Variants in PRR12 observed in about 807,000 individuals in gnomAD.
PRR12 encodes the protein proline rich 12.
A neutral mutation model predicts 138.0 loss-of-function variants in PRR12; 12 were observed. The ratio of observed to expected loss-of-function variants is 0.09; its 90% CI spans 0.06 to 0.14. PRR12 has a LOEUF of 0.14. Among genes scored for constraint, PRR12 ranks in the 10% least tolerant of loss-of-function variants. The pLI is 1.00. For synonymous variants in PRR12, 1,567 were observed against 1,291.7 expected, an observed-to-expected ratio of 1.21 and a Z score of -4.57; for missense variants, 2,692 against 2,861.3, an observed-to-expected ratio of 0.94 and a Z score of 1.35.
At position 49,621,610 on chromosome 19, in the gene PRR12, C is replaced by T. The variant is rs2080923948; in HGVS notation, c.5709C>T (p.Ser1903=). The part of the protein sequence containing the change: ...KKKVLKRLSL[S]PALQDALHTF... ...AAGTCCTGAAGCGGCTGTCGCTAAG[C>T]CCAGCCCTGCAGGTGCCTGGGGGTC... The change falls in exon 11 of 14, where the codon AGC becomes AGT. Residue 1903 remains serine, a synonymous_variant. Coordinates refer to ENST00000418929, the MANE Select transcript of PRR12 (RefSeq NM_020719.3). 2 of 1,592,034 alleles carry T rather than the reference C, an allele frequency of 1.3e-6. No homozygotes were observed. The highest frequency in any genetic ancestry group is 1.3e-5 in the African/African-American group (1 of 74,190).
At chr19:49,601,965 C>T (rs2080814525) in intron 6 of PRR12, 47 bp downstream of exon 6, 3 of 1,584,132 alleles carry the variant, frequency 1.9e-6, no homozygotes, top group Non-Finnish European at 2.6e-6. Context: ...GGTTTGGTCA[C>T]CTGTTTGTTG....
In PRR12 at chr19:49,599,556, C is replaced by T. The variant is rs367748904; in HGVS notation, c.3963C>T (p.Gly1321=). 434 of 1,595,200 alleles carry T rather than the reference C, an allele frequency of 2.7e-4. No homozygotes were observed. Among genetic ancestry groups the T allele is most frequent in the Non-Finnish European group, 3.5e-4 (405 of 1,171,258 alleles). ...TGCCACCCTCTGTGCCAGCCCGAGG[C>T]CTGCAGCCCCAGCCCCCTGCCACCC... The part of the protein sequence containing the change: ...KSVPPSVPAR[G]LQPQPPATPA... The change falls in exon 5 of 14, where the codon GGC becomes GGT. Residue 1321 remains glycine (G), a synonymous_variant. Coordinates refer to ENST00000418929, the MANE Select transcript of PRR12 (RefSeq NM_020719.3). This position sits in a 1 kb window ranked among gnomAD's most constrained non-coding sequence, Gnocchi z 5.0.
chr19:49,611,883 A>G (rs1238432997), intron 6 of PRR12, among the ~76,000 whole-genome samples: 1 of 129,768 alleles, frequency 7.7e-6, no homozygotes, highest in African/African-American at 3.1e-5. Context: ...AGGTCGCGCC[A>G]CTGCACTCCA....
chr19:49,622,932 G>T (rs74174293), intron 11 of PRR12, among the ~76,000 whole-genome samples: 19,257 of 74,092 alleles, frequency 0.26, 2,263 homozygotes, highest in Middle Eastern at 0.31. Context: ...TATATATAGA[G>T]AGAGAGAGAG....
chr19:49,616,372 TACAC>T lies in PRR12; in HGVS notation c.5497+154_5497+157del, dbSNP rs71925806. The stretch of plus-strand genomic sequence containing the variant: ...AGCTCACAGTCACGGGGCATCTCAC[TACAC>T]GACAGGCTGCCTCCTGAGAAGCTGA... On this transcript the variant is annotated intron_variant, in intron 9 of 13. Coordinates refer to ENST00000418929, the MANE Select transcript of PRR12 (RefSeq NM_020719.3). This position sits in a 1 kb window ranked among gnomAD's most constrained non-coding sequence, Gnocchi z 4.2. Among the ~76,000 whole-genome samples, 56,796 of 151,734 alleles carry T rather than the reference TACAC, an allele frequency of 0.37. 11,690 individuals are homozygous for T. Among genetic ancestry groups the T allele is most frequent in the African/African-American group, 0.57 (23,392 of 41,338 alleles).
intron 6 of PRR12, among the ~76,000 whole-genome samples, chr19:49,612,618 G>A (rs2080872572): frequency 6.6e-6 from 1 of 152,114 alleles, no homozygotes; most frequent in South Asian, 2.1e-4. Flanking sequence ...GGCAGAGGTA[G>A]GGGTGGTCTC....
intron 1 of PRR12, 58 bp from the exon 2 acceptor site, chr19:49,593,269 G>T: frequency 1.2e-6 from 1 of 854,114 alleles, no homozygotes; most frequent in Non-Finnish European, 1.8e-6. Context: ...GGTTTTCTGA[G>T]CTTCCTTCTC....
In PRR12 at chr19:49,597,443, G is replaced by A. The variant is rs1302220866; in HGVS notation, c.3108G>A (p.Gln1036=). 1 of 1,538,670 alleles carries A rather than the reference G, an allele frequency of 6.5e-7. No homozygotes were observed. The highest frequency in any genetic ancestry group is 8.7e-7 in the Non-Finnish European group (1 of 1,145,548). Residue 1036 remains glutamine, a synonymous_variant, in exon 4 of 14, where the codon CAG becomes CAA. Transcript: ENST00000418929. This position sits in a 1 kb window ranked among gnomAD's most constrained non-coding sequence, Gnocchi z 6.3. ...GCCTGATCCAGAGTGGCCCCCACCA[G>A]GCGGCGCCACCACCCCCGCCTCCGC... The part of the protein sequence containing the change: ...PLGLIQSGPH[Q]AAPPPPPPPP...
At chr19:49,611,547 A>G (rs1350216225) in intron 6 of PRR12, among the ~76,000 whole-genome samples, 1 of 151,454 alleles carries the variant, frequency 6.6e-6, no homozygotes, top group African/African-American at 2.4e-5. Flanking sequence ...CTGAGGCAGG[A>G]CAATCACTTG....
At chr19:49,605,343 A>G (rs1295378101) in intron 6 of PRR12, among the ~76,000 whole-genome samples, 1 of 150,540 alleles carries the variant, frequency 6.6e-6, no homozygotes, top group Non-Finnish European at 1.5e-5. Context: ...GCTCACCGCA[A>G]CCTCCACCTC....
intron 6 of PRR12, among the ~76,000 whole-genome samples, chr19:49,604,333 T>A: frequency 6.8e-6 from 1 of 146,338 alleles, no homozygotes. Flanking sequence ...AGACCTCACA[T>A]CTACCAAAAA....
chr19:49,598,772 T>C (rs934839072), intron 4 of PRR12, among the ~76,000 whole-genome samples: 2 of 152,190 alleles, frequency 1.3e-5, no homozygotes, highest in African/African-American at 2.4e-5. Context: ...CAGGGAGCTA[T>C]GATTGCATCA....
intron 9 of PRR12, among the ~76,000 whole-genome samples, chr19:49,618,796 C>T (rs1386101141): frequency 6.6e-6 from 1 of 152,042 alleles, no homozygotes; most frequent in Non-Finnish European, 1.5e-5. Flanking sequence ...CAGCCTCGTC[C>T]TCTGCTTCCA....
rs761195066 is a variant in PRR12 at position 49,596,296 on chromosome 19, G to C, written c.1961G>C (p.Arg654Pro). ...CTCTTGCAGGCGCCCAGCCCTCCTC[G>C]GACCTCAGGGGCGGACGGCTTGGTG... ...QHLLQAPSPP[R>P]TSGADGLVGE... Residue 654 changes from arginine (R) to proline (P), a missense_variant, in exon 4 of 14, where the codon CGG becomes CCG. By Grantham distance (103) the Arg-to-Pro change is moderately radical. Transcript: ENST00000418929. This position sits in a 1 kb window ranked among gnomAD's most constrained non-coding sequence, Gnocchi z 5.6. 15 of 1,611,248 alleles carry C rather than the reference G, an allele frequency of 9.3e-6. No individual in the cohort carries two copies. Among genetic ancestry groups the C allele is most frequent in the Non-Finnish European group, 1.2e-5 (14 of 1,179,546 alleles).
chr19:49,616,151 C>T lies in PRR12; in HGVS notation c.5429C>T (p.Thr1810Ile). The change falls in exon 9 of 14, where the codon ACA (threonine) becomes ATA (isoleucine). Residue 1810 changes from threonine (T) to isoleucine (I), a missense_variant. Coordinates refer to ENST00000418929, the MANE Select transcript of PRR12 (RefSeq NM_020719.3). This position sits in a 1 kb window ranked among gnomAD's most constrained non-coding sequence, Gnocchi z 4.2. ...CTGAAGGAGGCAGGCGGCAACGCTA[C>T]AGCAGGCGGGGGCCCACCAGGCAGC... The part of the protein sequence containing the change: ...KWLKEAGGNA[T>I]AGGGPPGSSS... 4 of 1,563,754 alleles carry T rather than the reference C, an allele frequency of 2.6e-6. No homozygotes were observed. The highest frequency in any genetic ancestry group is 2.6e-6 in the Non-Finnish European group (3 of 1,154,618).
chr19:49,602,697 G>A (rs1439888878), intron 6 of PRR12, among the ~76,000 whole-genome samples: 4 of 152,230 alleles, frequency 2.6e-5, no homozygotes, highest in South Asian at 4.1e-4. Flanking sequence ...GACTACAGGC[G>A]CAGGCCACCA....
chr19:49,601,555 G>GCCTCCGCCACCC lies in PRR12; in HGVS notation c.4419_4430dup (p.Pro1475_Pro1478dup), dbSNP rs920240724. ...CTCCTGCCCCGACTCCTCAGCCTCA[G>GCCTCCGCCACCC]CCTCCGCCACCCCCTCCGCCGCCAC... On this transcript the variant is annotated inframe_insertion, in exon 6 of 14. Coordinates refer to ENST00000418929, the MANE Select transcript of PRR12 (RefSeq NM_020719.3). 6.5e-7 allele frequency: 1 copy of GCCTCCGCCACCC among 1,537,872 alleles called. No homozygotes were observed. The highest frequency in any genetic ancestry group is 8.8e-7 in the Non-Finnish European group (1 of 1,138,952).
Position 49,598,030 on chromosome 19 carries a change from T to A in PRR12, c.3678+17T>A. On this transcript the variant is annotated intron_variant, in intron 4 of 13. Coordinates refer to ENST00000418929, the MANE Select transcript of PRR12 (RefSeq NM_020719.3). ...CCACTTAAGGTGAGGGGAAATGGGG[T>A]CTTGTAGGGGATAGGGGAGGAGGAG... 1 of 1,341,220 alleles carries A rather than the reference T, an allele frequency of 7.5e-7. No individual in the cohort carries two copies. The highest frequency in any genetic ancestry group is 3.8e-5 in the Admixed American group (1 of 26,390). The allele number at this position is 1,341,220 out of a possible 1,614,324, so 83.1% of individuals were successfully genotyped here.
At chr19:49,622,527 G>A (rs140789294) in intron 11 of PRR12, among the ~76,000 whole-genome samples, 2 of 151,180 alleles carry the variant, frequency 1.3e-5, no homozygotes, top group East Asian at 3.9e-4. Flanking sequence ...AGGAGGTGGA[G>A]CTTGCAGTGA....
Sources: gnomAD v4.1 joint callset for allele counts (sites outside exome capture counted in the v4.1 genomes callset) on GRCh38, gnomAD v4.1.1 for gene constraint, Gnocchi (gnomAD v3.1) non-coding constraint, MANE v1.5 for transcripts, NCBI Gene and HGNC (gene_info 2026-07-23, HGNC 2026-07-21) for gene names.